THSD7B: variants seen among roughly 807,000 people sequenced by gnomAD.
THSD7B encodes thrombospondin type-1 domain-containing protein 7B.
In THSD7B, 138 loss-of-function variants were observed where a neutral mutation model predicts 213.6. The observed-to-expected ratio is 0.65, with a 90% CI of 0.56 to 0.74. THSD7B has a LOEUF of 0.74. THSD7B is among the 30% of genes least tolerant of loss of function. The pLI is 0.00. For synonymous variants in THSD7B, 742 were observed against 687.0 expected (o/e 1.08, Z -1.25); for missense variants, 1,931 against 1,991.5 (o/e 0.97, Z 0.58).
At chr2:136,856,045 C>T (rs1257245938) in intron 1 of THSD7B, among the ~76,000 whole-genome samples, 1 of 152,112 alleles carries the variant, frequency 6.6e-6, no homozygotes, top group African/African-American at 2.4e-5. Flanking sequence ...TCTATTACAC[C>T]ACACTTTTTC....
intron 7 of THSD7B, among the ~76,000 whole-genome samples, chr2:137,183,696 G>A (rs1441794298): frequency 6.6e-6 from 1 of 152,066 alleles, no homozygotes; most frequent in Admixed American, 6.6e-5. Flanking sequence ...AGTAACATGA[G>A]CCAAGCAGCT....
Position 137,354,409 on chromosome 2 carries a change from G to A in THSD7B, c.2501-51204G>A, listed in dbSNP as rs999169152. On this transcript the variant is annotated intron_variant, in intron 12 of 27. Coordinates refer to ENST00000409968, the MANE Select transcript of THSD7B (RefSeq NM_001316349.2). ...TGAAATTTCCTATAGGTATACTGTC[G>A]GAAAGAGCAATAATTTATAATCGTA... Among the ~76,000 whole-genome samples, 17 of 152,022 alleles carry A rather than the reference G, an allele frequency of 1.1e-4. 1 individual carries two copies. In the South Asian group the frequency reaches 2.7e-3, roughly 24 times the overall value.
intron 12 of THSD7B, among the ~76,000 whole-genome samples, chr2:137,399,315 C>T (rs570703610): frequency 1.3e-5 from 2 of 152,092 alleles, no homozygotes; most frequent in South Asian, 4.2e-4. Flanking sequence ...CCCTCAGCCC[C>T]TTGAATAGCT....
intron 17 of THSD7B, among the ~76,000 whole-genome samples, chr2:137,590,884 TTTGA>T (rs1681852876): frequency 6.6e-6 from 1 of 150,528 alleles, no homozygotes. Context: ...TACAGAACAT[TTTGA>T]TTGGTGAACT....
intron 1 of THSD7B, among the ~76,000 whole-genome samples, chr2:136,820,778 A>C (rs1397899659): frequency 6.6e-6 from 1 of 152,230 alleles, no homozygotes; most frequent in Non-Finnish European, 1.5e-5. Flanking sequence ...TGTTCTTACA[A>C]AATACATATG....
At chr2:137,654,544 A>G (rs551293403) in intron 21 of THSD7B, among the ~76,000 whole-genome samples, 296 of 152,264 alleles carry the variant, frequency 1.9e-3, no homozygotes, top group Non-Finnish European at 3.3e-3. Context: ...CACATTTTGC[A>G]GCACAGAAAC....
At chr2:137,194,894 A>G (rs1248419625) in intron 7 of THSD7B, among the ~76,000 whole-genome samples, 1 of 152,002 alleles carries the variant, frequency 6.6e-6, no homozygotes, top group Non-Finnish European at 1.5e-5. Flanking sequence ...TTTTCATTCA[A>G]TTTTTATTCA....
At chr2:136,929,363 C>T (rs1446616528) in intron 2 of THSD7B, among the ~76,000 whole-genome samples, 1 of 152,184 alleles carries the variant, frequency 6.6e-6, no homozygotes, top group Non-Finnish European at 1.5e-5. Flanking sequence ...GCTATGACTT[C>T]CCACTTCTGC....
intron 5 of THSD7B, among the ~76,000 whole-genome samples, chr2:137,137,871 G>GT (rs1391713211): frequency 6.6e-6 from 1 of 150,962 alleles, no homozygotes; most frequent in South Asian, 2.1e-4. Context: ...TGTTGGGTTT[G>GT]TTTTTTAGTA....
chr2:136,827,282 A>T (rs1447376067), intron 1 of THSD7B, among the ~76,000 whole-genome samples: 1 of 152,182 alleles, frequency 6.6e-6, no homozygotes, highest in Non-Finnish European at 1.5e-5. Context: ...TAGAAAACTC[A>T]CATTTTTGGT....
At chr2:136,782,928 A>G (rs1047364140) in intron 1 of THSD7B, among the ~76,000 whole-genome samples, 1 of 152,186 alleles carries the variant, frequency 6.6e-6, no homozygotes, top group Non-Finnish European at 1.5e-5. Flanking sequence ...AAATAGAGGA[A>G]TGACAACATT....
intron 12 of THSD7B, among the ~76,000 whole-genome samples, chr2:137,328,298 A>T (rs1684418017): frequency 6.6e-6 from 1 of 152,230 alleles, no homozygotes; most frequent in Non-Finnish European, 1.5e-5. Flanking sequence ...AAACACATTT[A>T]TGCACAAATA....
intron 5 of THSD7B, among the ~76,000 whole-genome samples, chr2:137,137,078 T>G (rs2104959963): frequency 6.6e-6 from 1 of 152,314 alleles, no homozygotes; most frequent in South Asian, 2.1e-4. Flanking sequence ...AATGTTCTGA[T>G]TTTTAGTTAA....
chr2:137,670,702 A>G (rs1683545101), intron 27 of THSD7B, among the ~76,000 whole-genome samples: 1 of 152,112 alleles, frequency 6.6e-6, no homozygotes, highest in South Asian at 2.1e-4. Flanking sequence ...CGGGCGGATC[A>G]CGAGGTCAGG....
At chr2:136,874,587 G>A (rs565881231) in intron 1 of THSD7B, among the ~76,000 whole-genome samples, 33 of 152,190 alleles carry the variant, frequency 2.2e-4, no homozygotes, top group African/African-American at 7.5e-4. Context: ...TTTAAATGTT[G>A]CACCTTTTAA....
intron 7 of THSD7B, among the ~76,000 whole-genome samples, chr2:137,216,404 C>T (rs760066012): frequency 6.6e-5 from 10 of 151,764 alleles, no homozygotes; most frequent in Non-Finnish European, 1.2e-4. Context: ...TTATCACACA[C>T]GCTCTTCTTC....
chr2:137,505,059 G>A (rs1679804129), intron 15 of THSD7B, among the ~76,000 whole-genome samples: 1 of 151,716 alleles, frequency 6.6e-6, no homozygotes, highest in African/African-American at 2.4e-5. Context: ...GGAGGGAGGA[G>A]CAAATATTTT....
intron 20 of THSD7B, among the ~76,000 whole-genome samples, chr2:137,622,651 C>G (rs1682542416): frequency 6.6e-6 from 1 of 152,064 alleles, no homozygotes; most frequent in Admixed American, 6.6e-5. Flanking sequence ...AGGGATATCA[C>G]CACCGATCCC....
chr2:136,829,532 G>A (rs1682715369), intron 1 of THSD7B, among the ~76,000 whole-genome samples: 1 of 152,184 alleles, frequency 6.6e-6, no homozygotes, highest in South Asian at 2.1e-4. Context: ...GCAGTAAATT[G>A]TACCAGGCTG....
Sources: gnomAD v4.1 joint callset for allele counts (sites outside exome capture counted in the v4.1 genomes callset) on GRCh38, gnomAD v4.1.1 for gene constraint, MANE v1.5 for transcripts, NCBI Gene and HGNC (gene_info 2026-07-23, HGNC 2026-07-21) for gene names.